The following LRMDA variants were observed in gnomAD, a reference collection of about 807,000 sequenced individuals.
The protein encoded by LRMDA is leucine rich melanocyte differentiation associated, also known as leucine-rich melanocyte differentiation-associated protein.
Under a neutral mutation model 29.8 loss-of-function variants are expected in LRMDA, and 18 were observed. That is an observed-to-expected ratio of 0.60 (90% CI 0.42 to 0.90). The LOEUF (loss-of-function observed/expected upper bound fraction) is 0.90. Ranked by LOEUF, LRMDA falls within the 40% of genes least tolerant of loss-of-function variation. The pLI, the probability that LRMDA is intolerant of heterozygous loss-of-function variation, is 0.00. For synonymous variants in LRMDA, 125 were observed against 109.4 expected (o/e 1.14, Z -0.89); for missense variants, 273 against 273.9 (o/e 1.00, Z 0.02).
intron 2 of LRMDA, among the ~76,000 whole-genome samples, chr10:75,672,016 T>TAAA (rs1364604356): frequency 6.6e-6 from 1 of 152,220 alleles, no homozygotes; most frequent in Non-Finnish European, 1.5e-5. Flanking sequence ...CTTTCTAACT[T>TAAA]ACTCTATTTC....
intron 2 of LRMDA, among the ~76,000 whole-genome samples, chr10:75,869,367 C>G (rs1380437728): frequency 6.6e-6 from 1 of 152,186 alleles, no homozygotes; most frequent in Non-Finnish European, 1.5e-5. Context: ...GCCCATATTG[C>G]TGCCATATGT....
At chr10:76,287,550 A>T (rs1840288008) in intron 5 of LRMDA, among the ~76,000 whole-genome samples, 4 of 152,130 alleles carry the variant, frequency 2.6e-5, no homozygotes, top group Admixed American at 2.6e-4. Flanking sequence ...TATTTAACAT[A>T]ATAACAAAAG....
At chr10:75,759,987 T>C (rs1002988253) in intron 2 of LRMDA, among the ~76,000 whole-genome samples, 1 of 152,356 alleles carries the variant, frequency 6.6e-6, no homozygotes. Context: ...ACCAATTCAT[T>C]GGGAATTATG....
intron 1 of LRMDA, 40 bp downstream of exon 1, chr10:75,431,794 C>T: frequency 7.5e-7 from 1 of 1,329,840 alleles, no homozygotes; most frequent in Non-Finnish European, 9.6e-7. Flanking sequence ...GGGGCGCAGT[C>T]CGCGTGGGGA....
intron 2 of LRMDA, among the ~76,000 whole-genome samples, chr10:75,948,751 C>T (rs374190355): frequency 5.3e-5 from 8 of 151,956 alleles, no homozygotes; most frequent in African/African-American, 7.3e-5. Context: ...CTGGATTTTC[C>T]GAGACAGTGC....
intron 2 of LRMDA, among the ~76,000 whole-genome samples, chr10:75,936,534 G>A (rs547508640): frequency 6.6e-6 from 1 of 152,178 alleles, no homozygotes; most frequent in Non-Finnish European, 1.5e-5. Flanking sequence ...TTGCTTCACT[G>A]TGTTGGTCTG....
At chr10:76,425,522 G>T (rs1371754279) in intron 6 of LRMDA, among the ~76,000 whole-genome samples, 1 of 151,528 alleles carries the variant, frequency 6.6e-6, no homozygotes, top group Non-Finnish European at 1.5e-5. Context: ...AGGAAGAAAG[G>T]TTATTTGTAG....
chr10:75,974,246 G>C (rs998571275), intron 2 of LRMDA, among the ~76,000 whole-genome samples: 1 of 152,154 alleles, frequency 6.6e-6, no homozygotes, highest in Admixed American at 6.5e-5. Flanking sequence ...AACACACCTT[G>C]CTGAGCCTGA....
Position 76,234,356 on chromosome 10 carries a change from T to A in LRMDA, c.517-90045T>A, listed in dbSNP as rs147730181. On this transcript the variant is annotated intron_variant, in intron 5 of 6. Transcript: ENST00000611255. ...GGATGTGCTGTCATCCAGGCTTTGT[T>A]GTTTCATTGATAGCACACAGGCAGA... Among the ~76,000 whole-genome samples, 148 of 152,340 alleles carry A rather than the reference T, an allele frequency of 9.7e-4. 2 individuals carry two copies. The East Asian group carries it at 0.026, about 27-fold the overall frequency.
At chr10:75,598,001 T>C (rs1391226951) in intron 2 of LRMDA, among the ~76,000 whole-genome samples, 1 of 152,022 alleles carries the variant, frequency 6.6e-6, no homozygotes, top group Non-Finnish European at 1.5e-5. Context: ...CAAACAGACC[T>C]GAAATGGAGC....
intron 2 of LRMDA, among the ~76,000 whole-genome samples, chr10:75,775,557 G>T (rs1416461607): frequency 6.6e-6 from 1 of 152,234 alleles, no homozygotes; most frequent in Non-Finnish European, 1.5e-5. Flanking sequence ...CCCATGTGGG[G>T]ACTTAACCAC....
chr10:75,515,627 G>T (rs527501446), intron 2 of LRMDA, among the ~76,000 whole-genome samples: 1 of 152,180 alleles, frequency 6.6e-6, no homozygotes, highest in South Asian at 2.1e-4. Context: ...TTATCCTTCT[G>T]CTTTGGTCTC....
At chr10:75,454,281 G>A (rs928257204) in intron 2 of LRMDA, among the ~76,000 whole-genome samples, 2 of 152,152 alleles carry the variant, frequency 1.3e-5, no homozygotes, top group Non-Finnish European at 2.9e-5. Flanking sequence ...TTTGTTTTGG[G>A]GGAGAGGGGT....
chr10:76,149,989 G>T (rs375203903), intron 5 of LRMDA, among the ~76,000 whole-genome samples: 12 of 152,186 alleles, frequency 7.9e-5, no homozygotes, highest in African/African-American at 2.9e-4. Context: ...GCTCCCTAGG[G>T]TTTGGCCATT....
At chr10:76,181,644 G>A (rs573272705) in intron 5 of LRMDA, among the ~76,000 whole-genome samples, 17 of 152,340 alleles carry the variant, frequency 1.1e-4, no homozygotes, top group African/African-American at 3.1e-4. Context: ...CTAGAGGCCA[G>A]AGATAAGGAC....
In LRMDA at chr10:75,623,878, A is replaced by G. The variant is rs374746779; in HGVS notation, c.131+185384A>G. Among the ~76,000 whole-genome samples, 8 of 152,330 alleles carry G rather than the reference A, an allele frequency of 5.3e-5. 2 individuals carry two copies. The highest frequency in any genetic ancestry group is 2.6e-4 in the Admixed American group (4 of 15,302). On this transcript the variant is annotated intron_variant, in intron 2 of 6. Coordinates refer to ENST00000611255, the MANE Select transcript of LRMDA (RefSeq NM_001305581.2). ...ATAATTTACATCTTTGTATAAAACTATCGCTGGCAGCCGAACTAATTTGTG... is the reference window on the plus strand; with the variant it reads ...ATAATTTACATCTTTGTATAAAACTGTCGCTGGCAGCCGAACTAATTTGTG...
At chr10:75,883,802 A>G (rs1334444055) in intron 2 of LRMDA, among the ~76,000 whole-genome samples, 1 of 151,446 alleles carries the variant, frequency 6.6e-6, no homozygotes, top group African/African-American at 2.4e-5. Flanking sequence ...AAGAGACAAT[A>G]GATGTGTGTC....
intron 2 of LRMDA, among the ~76,000 whole-genome samples, chr10:75,718,134 A>G (rs1842524034): frequency 6.6e-6 from 1 of 152,174 alleles, no homozygotes; most frequent in Non-Finnish European, 1.5e-5. Context: ...TTTACTATCT[A>G]TCAATTGTTG....
intron 2 of LRMDA, among the ~76,000 whole-genome samples, chr10:75,923,783 G>A (rs896887991): frequency 2.6e-5 from 4 of 152,090 alleles, no homozygotes; most frequent in African/African-American, 9.7e-5. Flanking sequence ...CCCTTCAGAG[G>A]AATGACCTTC....
Sources: gnomAD v4.1 joint callset for allele counts (sites outside exome capture counted in the v4.1 genomes callset) on GRCh38, gnomAD v4.1.1 for gene constraint, MANE v1.5 for transcripts, NCBI Gene and HGNC (gene_info 2026-07-23, HGNC 2026-07-21) for gene names.